The following MAP2K5 variants were observed in gnomAD, a reference collection of about 807,000 sequenced individuals.
MAP2K5 encodes the protein dual specificity mitogen-activated protein kinase kinase 5.
MAP2K5 carries 49 observed loss-of-function variants against 83.1 expected under a neutral mutation model. The ratio of observed to expected loss-of-function variants is 0.59; its 90% CI spans 0.47 to 0.75. The LOEUF (loss-of-function observed/expected upper bound fraction) is 0.75. Ranked by LOEUF, MAP2K5 falls within the 30% of genes least tolerant of loss-of-function variation. The pLI is 0.00. For synonymous variants in MAP2K5, 202 were observed against 191.8 expected (o/e 1.05, Z -0.44); for missense variants, 457 against 557.5 (o/e 0.82, Z 1.82).
At chr15:67,570,735 A>G (rs1266634610) in intron 3 of MAP2K5, among the ~76,000 whole-genome samples, 1 of 152,254 alleles carries the variant, frequency 6.6e-6, no homozygotes, top group Non-Finnish European at 1.5e-5. Flanking sequence ...CTTCACTGGG[A>G]AAACTAACAA....
In MAP2K5 at chr15:67,559,782, CA is replaced by C. The variant is rs1441444016; in HGVS notation, c.185-3500del. On this transcript the variant is annotated intron_variant, in intron 2 of 21. Coordinates refer to ENST00000178640, the MANE Select transcript of MAP2K5 (RefSeq NM_145160.3). The surrounding 1 kb of genome is among the most constrained non-coding windows in gnomAD (Gnocchi z 4.7). ...GAATTCTCATTGTGAACCAATGTAT[CA>C]GATCTGTCTGCTCCCCTACCCCCAC... is the stretch of plus-strand genomic sequence containing the variant. Among the ~76,000 whole-genome samples the C allele has an allele frequency of 1.3e-5, 2 of 152,174 alleles. No homozygotes were observed. The highest frequency in any genetic ancestry group is 4.8e-5 in the African/African-American group (2 of 41,450).
At chr15:67,651,109 T>C (rs1439334179) in intron 11 of MAP2K5, among the ~76,000 whole-genome samples, 6 of 152,128 alleles carry the variant, frequency 3.9e-5, no homozygotes, top group Non-Finnish European at 7.4e-5. Context: ...TCCCAGCTAC[T>C]TGAGAGGCTG....
At chr15:67,763,621 G>GT (rs1384312615) in intron 19 of MAP2K5, among the ~76,000 whole-genome samples, 3 of 151,380 alleles carry the variant, frequency 2.0e-5, no homozygotes, top group East Asian at 1.9e-4. Context: ...TGAGGGTCCA[G>GT]TTTTTTTTCA....
rs1292544723 is a variant in MAP2K5, at chr15:67,783,887, T to TA, written c.1242+11137dup. Among the ~76,000 whole-genome samples, 1 of 152,154 alleles carries TA rather than the reference T, an allele frequency of 6.6e-6. No homozygotes were observed. Among genetic ancestry groups the TA allele is most frequent in the East Asian group, 1.9e-4 (1 of 5,196 alleles). ...CAGATGTGAAAGGCAGCTTATATCA[T>TA]AAGTAAAAGTACCAGAGCCTCTAAT... On this transcript the variant is annotated intron_variant, in intron 21 of 21. Coordinates refer to ENST00000178640, the MANE Select transcript of MAP2K5 (RefSeq NM_145160.3). The surrounding 1 kb of genome is among the most constrained non-coding windows in gnomAD (Gnocchi z 5.1).
chr15:67,582,901 G>C (rs947771397), intron 4 of MAP2K5, among the ~76,000 whole-genome samples: 2 of 151,746 alleles, frequency 1.3e-5, no homozygotes, highest in Non-Finnish European at 2.9e-5. Flanking sequence ...ATTTTTTTTA[G>C]TTATCTTCAT....
At position 67,608,923 on chromosome 15, in the gene MAP2K5, C is replaced by A. The variant is rs1487209815; in HGVS notation, c.545+8174C>A. On this transcript the variant is annotated intron_variant, in intron 8 of 21. Transcript: ENST00000178640. ...CTCACAGGGCCAGCACGGTGCCTTACCTACTGTAGGCACTTAGTGAGTGTT... is the reference window on the plus strand; with the variant it reads ...CTCACAGGGCCAGCACGGTGCCTTAACTACTGTAGGCACTTAGTGAGTGTT... Among the ~76,000 whole-genome samples, 3 of 152,120 alleles carry A rather than the reference C, an allele frequency of 2.0e-5. No individual in the cohort carries two copies. In the South Asian group the frequency reaches 6.2e-4, roughly 32 times the overall value.
intron 15 of MAP2K5, among the ~76,000 whole-genome samples, chr15:67,695,643 A>G (rs894980351): frequency 9.9e-5 from 15 of 152,200 alleles, no homozygotes; most frequent in African/African-American, 3.4e-4. Context: ...CAATTGCTCA[A>G]CTACCCAGCA....
At position 67,790,034 on chromosome 15, in the gene MAP2K5, A is replaced by C. The variant is rs1321584045; in HGVS notation, c.1243-16612A>C. ...TTGTCAAGCAACATTGAGGTTGAATAGCCAATAGCTGGGGGTAAACTACAA... is the reference window on the plus strand; with the variant it reads ...TTGTCAAGCAACATTGAGGTTGAATCGCCAATAGCTGGGGGTAAACTACAA... On this transcript the variant is annotated intron_variant, in intron 21 of 21. Coordinates refer to ENST00000178640, the MANE Select transcript of MAP2K5 (RefSeq NM_145160.3). The surrounding 1 kb of genome is among the most constrained non-coding windows in gnomAD (Gnocchi z 4.6). Among the ~76,000 whole-genome samples the C allele has an allele frequency of 6.6e-6, 1 of 152,212 alleles. No homozygotes were observed. Among genetic ancestry groups the C allele is most frequent in the Non-Finnish European group, 1.5e-5 (1 of 68,030 alleles).
chr15:67,689,476 A>G (rs1038720706), intron 13 of MAP2K5, among the ~76,000 whole-genome samples: 2 of 152,150 alleles, frequency 1.3e-5, no homozygotes, highest in African/African-American at 2.4e-5. Context: ...ACAAAGCCTT[A>G]ATGATGAGGT....
intron 8 of MAP2K5, among the ~76,000 whole-genome samples, chr15:67,621,434 G>GA (rs11449678): frequency 0.83 from 98,363 of 118,734 alleles, 40,732 homozygotes; most frequent in Middle Eastern, 0.91. Context: ...ACAAAAGTTT[G>GA]AAAAAAAAAA....
chr15:67,714,092 T>A (rs188914839), intron 16 of MAP2K5, among the ~76,000 whole-genome samples: 1 of 152,274 alleles, frequency 6.6e-6, no homozygotes, highest in Admixed American at 6.5e-5. Flanking sequence ...TGGGATACAT[T>A]GGCAAACAAA....
Position 67,768,634 on chromosome 15 carries a change from A to C in MAP2K5, c.1135-968A>C. On this transcript the variant is annotated intron_variant, in intron 19 of 21. Coordinates refer to ENST00000178640, the MANE Select transcript of MAP2K5 (RefSeq NM_145160.3). This position sits in a 1 kb window ranked among gnomAD's most constrained non-coding sequence, Gnocchi z 4.0. ...ACTTTGTGTAGGGATGTCAGGGAGG[A>C]AAAAAGCCGCCGAAAGGTATTTTTA... Among the ~76,000 whole-genome samples, 1 of 152,154 alleles carries C rather than the reference A, an allele frequency of 6.6e-6. No homozygotes were observed. Among genetic ancestry groups the C allele is most frequent in the Non-Finnish European group, 1.5e-5 (1 of 68,018 alleles).
chr15:67,700,326 A>G (rs1286961803), intron 15 of MAP2K5, among the ~76,000 whole-genome samples: 1 of 152,148 alleles, frequency 6.6e-6, no homozygotes, highest in African/African-American at 2.4e-5. Context: ...AGAACAGGTC[A>G]GGGTTTTTTG....
chr15:67,618,164 G>A (rs1173361484), intron 8 of MAP2K5, among the ~76,000 whole-genome samples: 2 of 152,178 alleles, frequency 1.3e-5, no homozygotes. Context: ...AATATAATCA[G>A]TTGGATTTAT....
At position 67,779,114 on chromosome 15, in the gene MAP2K5, G is replaced by C. The variant is rs2090284349; in HGVS notation, c.1242+6362G>C. 6.6e-6 allele frequency among the ~76,000 whole-genome samples: 1 copy of C among 152,206 alleles called. No homozygotes were observed. The highest frequency in any genetic ancestry group is 6.5e-5 in the Admixed American group (1 of 15,288). ...CCCAGAATTTGCAGTGAGAAATACT[G>C]GCTGGGATTGTAACTTCAGCTGAGT... On this transcript the variant is annotated intron_variant, in intron 21 of 21. Transcript: ENST00000178640. This position sits in a 1 kb window ranked among gnomAD's most constrained non-coding sequence, Gnocchi z 4.6.
intron 15 of MAP2K5, among the ~76,000 whole-genome samples, chr15:67,695,745 A>G (rs981860269): frequency 6.6e-6 from 1 of 152,252 alleles, no homozygotes; most frequent in Non-Finnish European, 1.5e-5. Context: ...CCAGGTGTAC[A>G]TTAAAGAAAT....
Position 67,736,178 on chromosome 15 carries a change from G to T in MAP2K5, c.1074+8233G>T, listed in dbSNP as rs1227169548. On this transcript the variant is annotated intron_variant, in intron 17 of 21. Coordinates refer to ENST00000178640, the MANE Select transcript of MAP2K5 (RefSeq NM_145160.3). This position sits in a 1 kb window ranked among gnomAD's most constrained non-coding sequence, Gnocchi z 4.3. ...ATGTGTCAGGATGGAGATGGCAAGT[G>T]TAGCAGGGACCAGATAAAGAAATTG... Among the ~76,000 whole-genome samples, 5 of 152,200 alleles carry T rather than the reference G, an allele frequency of 3.3e-5. No individual in the cohort carries two copies. The highest frequency in any genetic ancestry group is 4.8e-5 in the African/African-American group (2 of 41,450).
chr15:67,594,796 T>G (rs1196255446), intron 7 of MAP2K5, among the ~76,000 whole-genome samples: 1 of 152,168 alleles, frequency 6.6e-6, no homozygotes, highest in African/African-American at 2.4e-5. Flanking sequence ...TACATTTACT[T>G]GCACTCAAAA....
At position 67,777,442 on chromosome 15, in the gene MAP2K5, C is replaced by T. The variant is rs1443173517; in HGVS notation, c.1242+4690C>T. Among the ~76,000 whole-genome samples, 2 of 152,162 alleles carry T rather than the reference C, an allele frequency of 1.3e-5. No individual in the cohort carries two copies. Among genetic ancestry groups the T allele is most frequent in the African/African-American group, 2.4e-5 (1 of 41,446 alleles). ...AGCAGCATCCCGGTTTGAGATCAAT[C>T]GCTGGCTAATACTTTATCTAGGCCA... On this transcript the variant is annotated intron_variant, in intron 21 of 21. Transcript: ENST00000178640. The surrounding 1 kb of genome is among the most constrained non-coding windows in gnomAD (Gnocchi z 6.0).
Sources: gnomAD v4.1 joint callset for allele counts (sites outside exome capture counted in the v4.1 genomes callset) on GRCh38, gnomAD v4.1.1 for gene constraint, Gnocchi (gnomAD v3.1) non-coding constraint, MANE v1.5 for transcripts, NCBI Gene and HGNC (gene_info 2026-07-23, HGNC 2026-07-21) for gene names.